Variants in MACROD1 observed in about 807,000 individuals in gnomAD.
The protein encoded by MACROD1 is mono-ADP ribosylhydrolase 1.
Under a neutral mutation model 41.4 loss-of-function variants are expected in MACROD1, and 31 were observed. The ratio of observed to expected loss-of-function variants is 0.75; its 90% CI spans 0.56 to 1.01. The LOEUF is 1.01. Ranked by LOEUF, MACROD1 falls within the 50% of genes least tolerant of loss-of-function variation. The pLI, the probability that MACROD1 is intolerant of heterozygous loss-of-function variation, is 0.00. For synonymous variants in MACROD1, 252 were observed against 203.4 expected (o/e 1.24, Z -2.03); for missense variants, 473 against 460.0 (o/e 1.03, Z -0.26).
chr11:64,098,981 G>A (rs1003313283), intron 3 of MACROD1, among the ~76,000 whole-genome samples: 4 of 152,224 alleles, frequency 2.6e-5, no homozygotes, highest in African/African-American at 7.2e-5. Flanking sequence ...AGAGAGCTCC[G>A]ATCTTTAAGG....
At position 64,086,164 on chromosome 11, in the gene MACROD1, G is replaced by A. The variant is rs548822072; in HGVS notation, c.517+65075C>T. 5.3e-5 allele frequency among the ~76,000 whole-genome samples: 8 copies of A among 152,308 alleles called. No homozygotes were observed. In the South Asian group the frequency reaches 8.3e-4, roughly 16 times the overall value. ...CACACACAGCCATTCAGGGGAAGCC[G>A]GGACTCAACAGTGGGATCCCCCAGG... On this transcript the variant is annotated intron_variant, in intron 3 of 10. Transcript: ENST00000255681.
At chr11:64,077,003 G>A (rs1379781319) in intron 3 of MACROD1, among the ~76,000 whole-genome samples, 2 of 151,980 alleles carry the variant, frequency 1.3e-5, no homozygotes, top group Non-Finnish European at 2.9e-5. Flanking sequence ...GGGAGCTGTC[G>A]CTAGGCCCTT....
chr11:64,087,578 C>T (rs936903018), intron 3 of MACROD1, among the ~76,000 whole-genome samples: 2 of 152,230 alleles, frequency 1.3e-5, no homozygotes, highest in African/African-American at 4.8e-5. Flanking sequence ...GTACCAGCAT[C>T]CTGCAGCTTC....
chr11:64,147,030 C>T (rs969387555), intron 3 of MACROD1, among the ~76,000 whole-genome samples: 1 of 152,148 alleles, frequency 6.6e-6, no homozygotes, highest in African/African-American at 2.4e-5. Flanking sequence ...ATTTCAAATG[C>T]CAGGAGATCA....
At chr11:64,022,943 C>G (rs1453251550) in intron 3 of MACROD1, among the ~76,000 whole-genome samples, 2 of 144,188 alleles carry the variant, frequency 1.4e-5, no homozygotes, top group East Asian at 4.0e-4. Flanking sequence ...CTCACTGCAA[C>G]CTCTGCCTCC....
At chr11:64,020,788 G>A (rs1299960140) in intron 3 of MACROD1, among the ~76,000 whole-genome samples, 3 of 151,966 alleles carry the variant, frequency 2.0e-5, no homozygotes, top group African/African-American at 4.8e-5. Flanking sequence ...GTTCGATCTC[G>A]GTTCACTGCA....
At chr11:64,136,470 G>T (rs117372506) in intron 3 of MACROD1, among the ~76,000 whole-genome samples, 1 of 152,198 alleles carries the variant, frequency 6.6e-6, no homozygotes, top group Non-Finnish European at 1.5e-5. Context: ...GGTGGGATGC[G>T]TTGGCAGCTG....
At chr11:64,024,896 T>A (rs1209839533) in intron 3 of MACROD1, among the ~76,000 whole-genome samples, 15 of 152,218 alleles carry the variant, frequency 9.9e-5, no homozygotes, top group Non-Finnish European at 1.5e-5. Context: ...GCTTGCTGGG[T>A]GACCCCAGAA....
At chr11:64,095,947 T>C (rs1292081361) in intron 3 of MACROD1, among the ~76,000 whole-genome samples, 1 of 147,630 alleles carries the variant, frequency 6.8e-6, no homozygotes, top group African/African-American at 2.5e-5. Context: ...CCTCGCTTTC[T>C]CCCTGGGGAG....
chr11:64,072,875 A>G (rs1349165542), intron 3 of MACROD1, among the ~76,000 whole-genome samples: 1 of 152,142 alleles, frequency 6.6e-6, no homozygotes, highest in Admixed American at 6.5e-5. Context: ...ACATAAACCT[A>G]CGTGTGGAGC....
intron 3 of MACROD1, chr11:64,148,949 T>C: frequency 1.0e-6 from 1 of 985,248 alleles, no homozygotes; most frequent in Non-Finnish European, 1.2e-6. Context: ...AGACTCGGGC[T>C]CTGTGTGGGA....
At chr11:64,016,807 G>A (rs1010562785) in intron 3 of MACROD1, among the ~76,000 whole-genome samples, 1 of 152,208 alleles carries the variant, frequency 6.6e-6, no homozygotes, top group African/African-American at 2.4e-5. Flanking sequence ...TGGTGCCAGC[G>A]AGGCAGTGGG....
At chr11:64,043,028 G>A (rs528339109) in intron 3 of MACROD1, among the ~76,000 whole-genome samples, 1 of 152,352 alleles carries the variant, frequency 6.6e-6, no homozygotes, top group South Asian at 2.1e-4. Flanking sequence ...AAGCTCTGGA[G>A]TCGATGAACT....
intron 3 of MACROD1, among the ~76,000 whole-genome samples, chr11:64,138,771 AT>A (rs1185077560): frequency 0.014 from 1,926 of 142,310 alleles, 13 homozygotes; most frequent in Middle Eastern, 0.018. Flanking sequence ...ACTGATGGGG[AT>A]TTTTTTTTTT....
intron 3 of MACROD1, among the ~76,000 whole-genome samples, chr11:64,131,709 A>T (rs1433258374): frequency 6.6e-6 from 1 of 152,162 alleles, no homozygotes; most frequent in Admixed American, 6.5e-5. Context: ...ACTACCAACC[A>T]AGCCTTTATT....
chr11:64,042,362 C>T (rs1353532624), intron 3 of MACROD1, among the ~76,000 whole-genome samples: 22 of 152,216 alleles, frequency 1.4e-4, no homozygotes, highest in African/African-American at 4.6e-4. Context: ...CCCTTCCTGC[C>T]CCCAGACAGT....
In MACROD1 at chr11:64,162,683, C is replaced by T. The variant is rs57290985; in HGVS notation, c.298+3014G>A. On this transcript the variant is annotated intron_variant, in intron 1 of 10. Coordinates refer to ENST00000255681, the MANE Select transcript of MACROD1 (RefSeq NM_014067.4). ...ACAAAAAATTATCTGGGCATGGTGACGGGCACCTGTAATCCCAGCTATTCG... is the reference window on the plus strand; with the variant it reads ...ACAAAAAATTATCTGGGCATGGTGATGGGCACCTGTAATCCCAGCTATTCG... Among the ~76,000 whole-genome samples, 398 of 150,992 alleles carry T rather than the reference C, an allele frequency of 2.6e-3. 1 individual carries two copies. Among genetic ancestry groups the T allele is most frequent in the East Asian group, 0.019 (95 of 5,104 alleles).
chr11:64,143,790 ACACACACACAC>A (rs1208981523), intron 3 of MACROD1, among the ~76,000 whole-genome samples: 4 of 148,446 alleles, frequency 2.7e-5, no homozygotes, highest in Admixed American at 6.7e-5. Flanking sequence ...ACACACACAC[ACACACACACAC>A]AATTTCCTGG....
chr11:64,026,563 T>C (rs905199948), intron 3 of MACROD1, among the ~76,000 whole-genome samples: 2 of 152,220 alleles, frequency 1.3e-5, no homozygotes, highest in Non-Finnish European at 2.9e-5. Flanking sequence ...GCCAAATTGC[T>C]CTGCAAAGTG....
Sources: gnomAD v4.1 joint callset for allele counts (sites outside exome capture counted in the v4.1 genomes callset) on GRCh38, gnomAD v4.1.1 for gene constraint, MANE v1.5 for transcripts, NCBI Gene and HGNC (gene_info 2026-07-23, HGNC 2026-07-21) for gene names.